The following ATAD2B variants were observed in gnomAD, a reference collection of about 807,000 sequenced individuals.
The protein encoded by ATAD2B is ATPase family AAA domain containing 2B.
A neutral mutation model predicts 167.6 loss-of-function variants in ATAD2B; 40 were observed. The observed-to-expected ratio is 0.24, with a 90% CI of 0.19 to 0.31. The LOEUF (loss-of-function observed/expected upper bound fraction) is 0.31, where lower values mean the gene tolerates loss of function less well. Among genes scored for constraint, ATAD2B ranks in the 10% least tolerant of loss-of-function variants. The pLI, the probability that ATAD2B is intolerant of heterozygous loss-of-function variation, is 1.00. For missense variants in ATAD2B, 1,242 were observed against 1,757.2 expected (o/e 0.71, Z 5.24); for synonymous variants, 579 against 596.5 (o/e 0.97, Z 0.43).
At chr2:23,703,826 G>A in the ATAD2B span, 2 of 1,537,512 alleles carry the variant, frequency 1.3e-6, no homozygotes, top group Non-Finnish European at 1.7e-6. Flanking sequence ...AAACATTAAG[G>A]CGGGCCCAAA....
At chr2:23,753,585 C>T (rs1386922076) in intron 27 of ATAD2B, among the ~76,000 whole-genome samples, 1 of 152,144 alleles carries the variant, frequency 6.6e-6, no homozygotes, top group African/African-American at 2.4e-5. Flanking sequence ...CATATTTATA[C>T]AGGAAGAATT....
the ATAD2B span, among the ~76,000 whole-genome samples, chr2:23,738,092 C>T: frequency 3.3e-5 from 5 of 152,112 alleles, no homozygotes; most frequent in African/African-American, 9.7e-5. Flanking sequence ...CTGAAAGTGA[C>T]GGGGAGAATG....
intron 21 of ATAD2B, among the ~76,000 whole-genome samples, chr2:23,783,632 A>T (rs1325568308): frequency 6.6e-6 from 1 of 152,084 alleles, no homozygotes; most frequent in East Asian, 1.9e-4. Flanking sequence ...ATCTACAAAC[A>T]AACAAACATG....
intron 13 of ATAD2B, among the ~76,000 whole-genome samples, chr2:23,843,064 A>G (rs974314554): frequency 6.6e-6 from 1 of 152,256 alleles, no homozygotes; most frequent in African/African-American, 2.4e-5. Context: ...TGAAGCTAAC[A>G]TAACAGAATT....
intron 23 of ATAD2B, among the ~76,000 whole-genome samples, chr2:23,764,728 T>A (rs1187377403): frequency 6.6e-6 from 1 of 152,226 alleles, no homozygotes; most frequent in African/African-American, 2.4e-5. Flanking sequence ...AATTTTTGTG[T>A]CCTAGACCCC....
rs1675370847 is a variant in ATAD2B at position 23,751,692 on chromosome 2, T to G, written c.*354A>C. On this transcript the variant is annotated 3_prime_UTR_variant, in exon 28 of 28. Transcript: ENST00000238789. ...ACAGTTAGAACTGCCCCCATCCAGT[T>G]TCCTCCTGTTTGCTGGTCTGCTCCC... is the stretch of plus-strand genomic sequence containing the variant. 3.9e-6 allele frequency: 1 copy of G among 255,278 alleles called. No individual in the cohort carries two copies. Among genetic ancestry groups the G allele is most frequent in the African/African-American group, 2.3e-5 (1 of 43,742 alleles). The allele number at this position is 255,278 out of a possible 1,614,324, so 15.8% of individuals were successfully genotyped here.
intron 11 of ATAD2B, among the ~76,000 whole-genome samples, 175 bp from the exon 12 acceptor site, chr2:23,863,730 C>T (rs1364451850): frequency 6.6e-6 from 1 of 152,178 alleles, no homozygotes; most frequent in Non-Finnish European, 1.5e-5. Context: ...GTCCTTAAAT[C>T]ACCAAGCTTT....
At chr2:23,876,369 T>G (rs2150154993) in intron 7 of ATAD2B, among the ~76,000 whole-genome samples, 1 of 151,720 alleles carries the variant, frequency 6.6e-6, no homozygotes, top group Non-Finnish European at 1.5e-5. Context: ...TGGCGCGATC[T>G]CGGCTCACTG....
intron 13 of ATAD2B, among the ~76,000 whole-genome samples, chr2:23,839,513 T>C (rs1222775842): frequency 6.6e-6 from 1 of 152,166 alleles, no homozygotes; most frequent in African/African-American, 2.4e-5. Context: ...GATTTTTCTC[T>C]AATATGAAAA....
intron 14 of ATAD2B, chr2:23,832,366 C>A (rs1045729279): frequency 1.5e-5 from 5 of 324,584 alleles, no homozygotes; most frequent in Admixed American, 8.4e-5. Flanking sequence ...AAAACTGTTT[C>A]CTCGAAATGT....
the ATAD2B span, among the ~76,000 whole-genome samples, chr2:23,704,837 G>T: frequency 6.6e-6 from 1 of 152,234 alleles, no homozygotes; most frequent in Non-Finnish European, 1.5e-5. Context: ...AAGACATCTT[G>T]TGCCTATGTA....
Position 23,885,785 on chromosome 2 carries a change from C to A in ATAD2B, c.617G>T (p.Arg206Leu). The A allele has an allele frequency of 6.3e-7, 1 of 1,597,132 alleles. No homozygotes were observed. Among genetic ancestry groups the A allele is most frequent in the East Asian group, 2.2e-5 (1 of 44,588 alleles). ...TACTTCTCCTGATCGACGATTCCGTCGGATGTTAATGTTGTCCATTTCCTG... is the reference window on the plus strand; with the variant it reads ...TACTTCTCCTGATCGACGATTCCGTAGGATGTTAATGTTGTCCATTTCCTG... Reference protein sequence around the residue: ...VLQEMDNINIRRNRRSGEVER... With the variant: ...VLQEMDNINILRNRRSGEVER... Residue 206 changes from arginine (R) to leucine (L), a missense_variant, in exon 5 of 28, where the codon CGA becomes CTA. Arg to Leu is a moderately radical substitution (Grantham distance 102). Transcript: ENST00000238789.
the ATAD2B span, among the ~76,000 whole-genome samples, chr2:23,730,599 G>C: frequency 7.6e-6 from 1 of 130,784 alleles, no homozygotes; most frequent in East Asian, 2.7e-4. Flanking sequence ...CTGGGAGGTG[G>C]AGCTTGTAGT....
At chr2:23,805,868 G>A (rs1417594855) in intron 18 of ATAD2B, among the ~76,000 whole-genome samples, 1 of 143,418 alleles carries the variant, frequency 7.0e-6, no homozygotes, top group African/African-American at 2.6e-5. Context: ...ATTTTTATTG[G>A]TTACTTTTTA....
intron 22 of ATAD2B, 42 bp downstream of exon 22, chr2:23,782,827 C>G: frequency 6.6e-7 from 1 of 1,523,072 alleles, no homozygotes; most frequent in Non-Finnish European, 9.0e-7. Context: ...AAACTGTCTT[C>G]TGATTGATTA....
chr2:23,759,933 G>A (rs1676442902), intron 24 of ATAD2B, among the ~76,000 whole-genome samples: 2 of 152,190 alleles, frequency 1.3e-5, no homozygotes, highest in Admixed American at 1.3e-4. Flanking sequence ...CTACCTGACA[G>A]GCCATTCCTG....
chr2:23,783,163 C>A, intron 21 of ATAD2B, 135 bp from the exon 22 acceptor site: 1 of 471,618 alleles, frequency 2.1e-6, no homozygotes, highest in Non-Finnish European at 3.5e-6. Context: ...GATAAAATTG[C>A]AGCGCTATTT....
chr2:23,833,521 C>T (rs1330095579), intron 14 of ATAD2B, among the ~76,000 whole-genome samples: 1 of 152,128 alleles, frequency 6.6e-6, no homozygotes, highest in Non-Finnish European at 1.5e-5. Context: ...TTAAATATAG[C>T]AATTTCTATG....
intron 3 of ATAD2B, 130 bp downstream of exon 3, chr2:23,888,220 G>T: frequency 1.4e-6 from 1 of 740,636 alleles, no homozygotes; most frequent in Non-Finnish European, 2.2e-6. Flanking sequence ...TTTTTACTAT[G>T]ACTGAAATTC....
Sources: allele counts gnomAD v4.1 joint callset (sites outside exome capture counted in the v4.1 genomes callset), GRCh38; gene constraint gnomAD v4.1.1; transcripts MANE v1.5; gene names NCBI Gene and HGNC (gene_info 2026-07-23, HGNC 2026-07-21).